The following PPFIA1 variants were observed in gnomAD, a reference collection of about 807,000 sequenced individuals.
The protein encoded by PPFIA1 is liprin-alpha-1.
Under a neutral mutation model 149.9 loss-of-function variants are expected in PPFIA1, and 25 were observed. The ratio of observed to expected loss-of-function variants is 0.17; its 90% CI spans 0.12 to 0.23. The LOEUF (loss-of-function observed/expected upper bound fraction) is 0.23, where lower values mean the gene tolerates loss of function less well. Among genes scored for constraint, PPFIA1 ranks in the 10% least tolerant of loss-of-function variants. The pLI, the probability that PPFIA1 is intolerant of heterozygous loss-of-function variation, is 1.00. For missense variants in PPFIA1, 1,362 were observed against 1,506.5 expected (o/e 0.90, Z 1.59); for synonymous variants, 549 against 552.8 (o/e 0.99, Z 0.10).
rs771426596 is a variant in PPFIA1, at chr11:70,326,239, CAT to C, written c.607-20_607-19del. 8.0e-6 allele frequency: 11 copies of C among 1,366,810 alleles called. No individual in the cohort carries two copies. The African/African-American group carries it at 8.8e-5, about 11-fold the overall frequency. 84.7% of individuals were successfully genotyped at this position (1,366,810 alleles called of 1,614,324 possible). A position where few individuals can be genotyped will look rare whatever the true frequency, so the allele number is the denominator to read the frequency against. On this transcript the variant is annotated intron_variant, in intron 5 of 27. Coordinates refer to ENST00000253925, the MANE Select transcript of PPFIA1 (RefSeq NM_003626.5). Reference sequence around the variant, plus strand: ...TCTCTTATGTAAGGTATTTTACACTCATATTCAATTTTTTGCTTTCAGCTAAT... The same window carrying C: ...TCTCTTATGTAAGGTATTTTACACTCATTCAATTTTTTGCTTTCAGCTAAT...
intron 19 of PPFIA1, 58 bp downstream of exon 19, chr11:70,356,312 T>C: frequency 1.5e-6 from 2 of 1,304,656 alleles, no homozygotes; most frequent in Non-Finnish European, 2.2e-6. Context: ...GCCTAAGCTC[T>C]AACTAGTGTT....
At chr11:70,358,144 T>C (rs2056446577) in intron 19 of PPFIA1, 2 of 152,214 alleles carry the variant, frequency 1.3e-5, no homozygotes, top group Admixed American at 6.5e-5. Context: ...ACAAAGATTA[T>C]TTGTCTGACT....
intron 15 of PPFIA1, among the ~76,000 whole-genome samples, chr11:70,344,512 T>C (rs1400439264): frequency 6.6e-6 from 1 of 152,228 alleles, no homozygotes; most frequent in East Asian, 1.9e-4. Flanking sequence ...TCCTTGACCC[T>C]GAACCCTGAA....
chr11:70,355,443 C>T (rs1433319429), intron 17 of PPFIA1, among the ~76,000 whole-genome samples, 196 bp from the exon 18 acceptor site: 1 of 152,118 alleles, frequency 6.6e-6, no homozygotes, highest in Non-Finnish European at 1.5e-5. Context: ...AGCTCCATGT[C>T]AGAGAGAGTC....
chr11:70,305,252 C>T (rs1461557123), intron 2 of PPFIA1, among the ~76,000 whole-genome samples: 2 of 152,146 alleles, frequency 1.3e-5, no homozygotes, highest in East Asian at 1.9e-4. Flanking sequence ...TTCAGAATTT[C>T]TTGGAAATGT....
rs965312139 is a variant in PPFIA1 at position 70,333,617 on chromosome 11, G to T, written c.1296+64G>T. The T allele has an allele frequency of 9.3e-6, 12 of 1,284,482 alleles. No individual in the cohort carries two copies. The East Asian group carries it at 2.9e-4, about 31-fold the overall frequency. 79.6% of individuals were successfully genotyped at this position (1,284,482 alleles called of 1,614,324 possible). A position where few individuals can be genotyped will look rare whatever the true frequency, so the allele number is the denominator to read the frequency against. On this transcript the variant is annotated intron_variant, in intron 10 of 27. Transcript: ENST00000253925. Reference sequence around the variant, plus strand: ...TGCTGCAAGGTCATTGCTCGGCTGTGGGGAGCTCAGGGCCTCCCACCCCTG... The same window carrying T: ...TGCTGCAAGGTCATTGCTCGGCTGTTGGGAGCTCAGGGCCTCCCACCCCTG...
At chr11:70,376,082 A>G (rs1221273546) in intron 24 of PPFIA1, among the ~76,000 whole-genome samples, 2 of 151,934 alleles carry the variant, frequency 1.3e-5, no homozygotes, top group Non-Finnish European at 2.9e-5. Context: ...TCTGTCTCCC[A>G]GGTTCAAGTG....
chr11:70,372,620 G>A (rs1161532883), intron 23 of PPFIA1, 46 bp downstream of exon 23: 3 of 1,502,822 alleles, frequency 2.0e-6, no homozygotes, highest in Non-Finnish European at 2.8e-6. Context: ...CTACTTGCTG[G>A]TGTGTTTGGA....
intron 2 of PPFIA1, among the ~76,000 whole-genome samples, chr11:70,306,883 C>G (rs1161190304): frequency 6.6e-6 from 1 of 152,164 alleles, no homozygotes; most frequent in African/African-American, 2.4e-5. Flanking sequence ...TTCTTTGTTT[C>G]CAGTGAAACG....
chr11:70,303,600 C>T (rs1336709411), intron 2 of PPFIA1, among the ~76,000 whole-genome samples: 41 of 152,128 alleles, frequency 2.7e-4, no homozygotes, highest in Admixed American at 2.7e-3. Context: ...TGCCCTGGCC[C>T]CTGGCACAGA....
At chr11:70,354,948 T>C (rs2056276518) in intron 17 of PPFIA1, among the ~76,000 whole-genome samples, 1 of 152,118 alleles carries the variant, frequency 6.6e-6, no homozygotes, top group African/African-American at 2.4e-5. Flanking sequence ...TCTTTTTTTT[T>C]CTTTTTGAGA....
intron 23 of PPFIA1, among the ~76,000 whole-genome samples, chr11:70,373,118 C>T (rs1366013103): frequency 1.1e-4 from 16 of 152,160 alleles, no homozygotes; most frequent in Non-Finnish European, 2.1e-4. Context: ...GCCAGGGAGG[C>T]GTTAGAGGAT....
intron 19 of PPFIA1, among the ~76,000 whole-genome samples, chr11:70,360,320 AT>A (rs1268759850): frequency 1.3e-5 from 2 of 152,252 alleles, no homozygotes; most frequent in Non-Finnish European, 2.9e-5. Flanking sequence ...GTAAAGAATT[AT>A]TTTTTGACAA....
At chr11:70,277,354 T>C (rs1331986397) in intron 2 of PPFIA1, among the ~76,000 whole-genome samples, 2 of 152,060 alleles carry the variant, frequency 1.3e-5, no homozygotes, top group Non-Finnish European at 2.9e-5. Flanking sequence ...ATTTTAGATA[T>C]ACTTTTGCAG....
rs760504380 is a variant in PPFIA1 at position 70,272,426 on chromosome 11, C to T, written c.254C>T (p.Ala85Val). 5 of 1,612,220 alleles carry T rather than the reference C, an allele frequency of 3.1e-6. No individual in the cohort carries two copies. The highest frequency in any genetic ancestry group is 4.2e-6 in the Non-Finnish European group (5 of 1,178,780). ...TCCTTGCAGAGACAGCTCAACACGGCACTTCCACAGGTATGAGTGCTTTTA... is the reference window on the plus strand; with the variant it reads ...TCCTTGCAGAGACAGCTCAACACGGTACTTCCACAGGTATGAGTGCTTTTA... ...RDSLQRQLNT[A>V]LPQEFAALTK... The change falls in exon 2 of 28, where the codon GCA becomes GTA. Residue 85 changes from alanine (A) to valine (V), a missense_variant. Transcript: ENST00000253925.
chr11:70,303,632 T>A (rs981094609), intron 2 of PPFIA1, among the ~76,000 whole-genome samples: 4 of 152,180 alleles, frequency 2.6e-5, no homozygotes, highest in African/African-American at 9.7e-5. Flanking sequence ...TCCTGGACTC[T>A]CTGGAGTACT....
At chr11:70,367,710 A>G in intron 21 of PPFIA1, 2 of 409,904 alleles carry the variant, frequency 4.9e-6, no homozygotes, top group South Asian at 3.4e-5. Context: ...AGAGCATATA[A>G]TGAGGAAACA....
At chr11:70,381,265 GT>G (rs1161879851) in intron 26 of PPFIA1, 1 of 152,132 alleles carries the variant, frequency 6.6e-6, no homozygotes, top group African/African-American at 2.4e-5. Context: ...TTGATTAAGT[GT>G]TCCTGGTATA....
intron 2 of PPFIA1, among the ~76,000 whole-genome samples, chr11:70,286,838 C>A (rs184300949): frequency 6.7e-6 from 1 of 148,826 alleles, no homozygotes; most frequent in Admixed American, 6.8e-5. Context: ...TCAAGCAATG[C>A]TCCTACCTCA....
Sources: gnomAD v4.1 joint callset for allele counts (sites outside exome capture counted in the v4.1 genomes callset) on GRCh38, gnomAD v4.1.1 for gene constraint, MANE v1.5 for transcripts, NCBI Gene and HGNC (gene_info 2026-07-23, HGNC 2026-07-21) for gene names.